The following MACROD2 variants were observed in gnomAD, a reference collection of about 807,000 sequenced individuals.
The protein encoded by MACROD2 is mono-ADP ribosylhydrolase 2.
In MACROD2, 36 loss-of-function variants were observed where a neutral mutation model predicts 70.4. The observed-to-expected ratio is 0.51, with a 90% CI of 0.39 to 0.68. The LOEUF (loss-of-function observed/expected upper bound fraction) is 0.68. Ranked by LOEUF, MACROD2 falls within the 30% of genes least tolerant of loss-of-function variation. MACROD2 has a pLI of 0.00. For synonymous variants in MACROD2, 172 were observed against 178.8 expected (o/e 0.96, Z 0.30); for missense variants, 496 against 538.4 (o/e 0.92, Z 0.78).
intron 2 of MACROD2, among the ~76,000 whole-genome samples, chr20:14,037,648 G>A (rs371693418): frequency 6.6e-6 from 1 of 152,138 alleles, no homozygotes; most frequent in Non-Finnish European, 1.5e-5. Flanking sequence ...TGTTGGTGGG[G>A]GGGGTAGTTA....
At chr20:14,342,049 G>T (rs985960501) in intron 3 of MACROD2, among the ~76,000 whole-genome samples, 4 of 152,134 alleles carry the variant, frequency 2.6e-5, no homozygotes, top group African/African-American at 9.7e-5. Flanking sequence ...CCCTGGGGGG[G>T]TCACTGTTTC....
chr20:14,325,544 G>T, intron 3 of MACROD2: 1 of 1,596,288 alleles, frequency 6.3e-7, no homozygotes, highest in South Asian at 1.1e-5. Flanking sequence ...AGTCTGCTGT[G>T]AGTCCTTCAG....
intron 5 of MACROD2, among the ~76,000 whole-genome samples, chr20:14,862,242 TATATATTAATATATATAA>T (rs2073348693): frequency 2.3e-5 from 1 of 43,668 alleles, no homozygotes; most frequent in Non-Finnish European, 3.9e-5. Context: ...AATATATATT[TATATATTAATATATATAA>T]ATATATTACT....
chr20:15,941,601 A>T (rs1018161518), intron 12 of MACROD2, among the ~76,000 whole-genome samples: 1 of 152,214 alleles, frequency 6.6e-6, no homozygotes, highest in Admixed American at 6.5e-5. Context: ...ATTAGCTTTC[A>T]TGCAGAAATA....
chr20:14,787,263 C>A (rs765211099), intron 5 of MACROD2, among the ~76,000 whole-genome samples: 2 of 151,766 alleles, frequency 1.3e-5, no homozygotes, highest in Non-Finnish European at 2.9e-5. Context: ...TTTAAATGAT[C>A]GTTTTTGAAA....
At chr20:14,082,160 T>C (rs35553587) in intron 2 of MACROD2, among the ~76,000 whole-genome samples, 2 of 145,160 alleles carry the variant, frequency 1.4e-5, no homozygotes, top group Non-Finnish European at 3.0e-5. Flanking sequence ...TGTTTTCCCA[T>C]ACCTTTCTTT....
At chr20:15,501,339 C>T (rs760296126) in intron 8 of MACROD2, among the ~76,000 whole-genome samples, 4 of 152,178 alleles carry the variant, frequency 2.6e-5, no homozygotes, top group Non-Finnish European at 4.4e-5. Flanking sequence ...CAAGGATATG[C>T]CCCACTGGAG....
rs148373498 is a variant in MACROD2 at position 15,161,314 on chromosome 20, G to A, written c.419-68626G>A. On this transcript the variant is annotated intron_variant, in intron 5 of 17. Coordinates refer to ENST00000684519, the MANE Select transcript of MACROD2 (RefSeq NM_001351661.2). The stretch of plus-strand genomic sequence containing the variant: ...AAATCAAGTTATATTATTATAGTAC[G>A]ATAATTTGAGTTATATTTATATAAT... Among the ~76,000 whole-genome samples the A allele has an allele frequency of 8.5e-3, 1,279 of 150,922 alleles. 20 individuals carry two copies. The highest frequency in any genetic ancestry group is 0.029 in the African/African-American group (1,217 of 41,318).
intron 5 of MACROD2, among the ~76,000 whole-genome samples, chr20:15,026,338 A>G (rs1183355061): frequency 6.6e-6 from 1 of 152,076 alleles, no homozygotes; most frequent in Non-Finnish European, 1.5e-5. Flanking sequence ...TACCATATAA[A>G]CCATTCCCTC....
chr20:14,776,071 A>G (rs929101789), intron 5 of MACROD2, among the ~76,000 whole-genome samples: 2 of 152,014 alleles, frequency 1.3e-5, no homozygotes, highest in Admixed American at 6.6e-5. Flanking sequence ...AGAACCAGAT[A>G]TTGCCATGAC....
chr20:14,503,176 T>C (rs886400290), intron 4 of MACROD2, among the ~76,000 whole-genome samples: 2 of 152,090 alleles, frequency 1.3e-5, no homozygotes, highest in Non-Finnish European at 2.9e-5. Context: ...CACCCATGTG[T>C]ATGTCCAGCA....
intron 9 of MACROD2, among the ~76,000 whole-genome samples, chr20:15,868,735 A>G (rs1172435872): frequency 3.3e-5 from 5 of 152,028 alleles, no homozygotes; most frequent in African/African-American, 9.7e-5. Flanking sequence ...TTCATTCACA[A>G]TGAAATCACC....
intron 8 of MACROD2, among the ~76,000 whole-genome samples, chr20:15,785,797 T>C (rs1311076258): frequency 6.6e-6 from 1 of 152,070 alleles, no homozygotes; most frequent in Non-Finnish European, 1.5e-5. Flanking sequence ...CTGCACAAAA[T>C]AGCCACCCTA....
At chr20:15,856,968 G>C (rs76670035) in intron 8 of MACROD2, among the ~76,000 whole-genome samples, 7,521 of 152,206 alleles carry the variant, frequency 0.049, 402 homozygotes, top group East Asian at 0.21. Context: ...TTGCACACCT[G>C]TAACAAAGAA....
chr20:15,536,399 G>C (rs1185608324), intron 8 of MACROD2, among the ~76,000 whole-genome samples: 1 of 152,188 alleles, frequency 6.6e-6, no homozygotes, highest in African/African-American at 2.4e-5. Flanking sequence ...ATTATTCTAA[G>C]GGCCCTGGGG....
chr20:14,534,098 A>G (rs1420558971), intron 4 of MACROD2, among the ~76,000 whole-genome samples: 2 of 152,250 alleles, frequency 1.3e-5, no homozygotes, highest in Non-Finnish European at 2.9e-5. Context: ...TCTATCTTTT[A>G]AAACCTAAAT....
At chr20:15,306,600 G>T (rs2077700010) in intron 6 of MACROD2, among the ~76,000 whole-genome samples, 1 of 152,098 alleles carries the variant, frequency 6.6e-6, no homozygotes, top group Non-Finnish European at 1.5e-5. Context: ...TGTTTTCTCA[G>T]GGTCTATTTT....
chr20:14,660,284 T>A (rs545582726), intron 4 of MACROD2, among the ~76,000 whole-genome samples: 8 of 152,134 alleles, frequency 5.3e-5, no homozygotes, highest in Non-Finnish European at 7.3e-5. Flanking sequence ...AATAAATAAT[T>A]TGTTTCAGAA....
intron 16 of MACROD2, among the ~76,000 whole-genome samples, chr20:16,043,223 G>A (rs1430171195): frequency 6.6e-6 from 1 of 151,994 alleles, no homozygotes; most frequent in Admixed American, 6.6e-5. Flanking sequence ...ACTAGAAGTG[G>A]GGCACCTTAA....
Sources: gnomAD v4.1 joint callset for allele counts (sites outside exome capture counted in the v4.1 genomes callset) on GRCh38, gnomAD v4.1.1 for gene constraint, MANE v1.5 for transcripts, NCBI Gene and HGNC (gene_info 2026-07-23, HGNC 2026-07-21) for gene names.